RBFOX2: variants seen among roughly 807,000 people sequenced by gnomAD.
RBFOX2 encodes the protein RNA binding protein fox-1 homolog 2.
RBFOX2 carries 10 observed loss-of-function variants against 49.1 expected under a neutral mutation model. That is an observed-to-expected ratio of 0.20 (90% confidence interval 0.13 to 0.35). RBFOX2 has a LOEUF of 0.35. RBFOX2 is among the 10% of genes least tolerant of loss of function. RBFOX2 has a pLI of 1.00. For synonymous variants in RBFOX2, 183 were observed against 187.4 expected (o/e 0.98, Z 0.19); for missense variants, 323 against 486.9 (o/e 0.66, Z 3.17).
At chr22:35,979,325 AAG>A (rs2057347335) in intron 1 of RBFOX2, among the ~76,000 whole-genome samples, 1 of 152,210 alleles carries the variant, frequency 6.6e-6, no homozygotes, top group African/African-American at 2.4e-5. Context: ...AAAAAGGAAA[AAG>A]ACATTGCTGG....
intron 1 of RBFOX2, among the ~76,000 whole-genome samples, chr22:36,000,706 A>C (rs1261952741): frequency 2.0e-5 from 3 of 150,996 alleles, no homozygotes; most frequent in African/African-American, 4.9e-5. Flanking sequence ...CTCAGTATCT[A>C]CCTCCCATCT....
chr22:35,892,886 T>C (rs1430134828), intron 1 of RBFOX2, among the ~76,000 whole-genome samples: 5 of 152,244 alleles, frequency 3.3e-5, no homozygotes, highest in Non-Finnish European at 5.9e-5. Flanking sequence ...TGGCTAAACC[T>C]ACACTAAAAC....
At chr22:35,874,676 G>T (rs551798940) in intron 1 of RBFOX2, among the ~76,000 whole-genome samples, 1 of 152,188 alleles carries the variant, frequency 6.6e-6, no homozygotes, top group East Asian at 1.9e-4. Flanking sequence ...TAAATGAACT[G>T]TGGCCTAATG....
chr22:35,945,861 T>C (rs2054219860), intron 1 of RBFOX2, among the ~76,000 whole-genome samples: 1 of 152,230 alleles, frequency 6.6e-6, no homozygotes, highest in African/African-American at 2.4e-5. Flanking sequence ...TCTAACAACA[T>C]GGTCCCAACA....
chr22:35,996,214 T>C (rs1312918635), intron 1 of RBFOX2: 1 of 152,190 alleles, frequency 6.6e-6, no homozygotes, highest in Non-Finnish European at 1.5e-5. Context: ...CCTCCTGAGA[T>C]CATTATCCAA....
At chr22:35,821,576 T>TG (rs1185904842) in intron 1 of RBFOX2, among the ~76,000 whole-genome samples, 1 of 110,880 alleles carries the variant, frequency 9.0e-6, no homozygotes, top group African/African-American at 3.4e-5. Context: ...CACTCCAGCC[T>TG]GGGGGACAGA....
At chr22:35,874,472 G>T (rs935900145) in intron 1 of RBFOX2, among the ~76,000 whole-genome samples, 7 of 151,926 alleles carry the variant, frequency 4.6e-5, no homozygotes, top group Admixed American at 3.9e-4. Context: ...AAACATAAAG[G>T]AACAGAATGA....
At chr22:35,773,101 T>C (rs964001262) in intron 4 of RBFOX2, among the ~76,000 whole-genome samples, 4 of 151,080 alleles carry the variant, frequency 2.6e-5, no homozygotes, top group African/African-American at 9.7e-5. Flanking sequence ...GTTAATTCTG[T>C]TTTAAATATA....
rs776885934 is a variant in RBFOX2, at chr22:35,929,775, G to A, written c.-34+9072C>T. 4.6e-4 allele frequency among the ~76,000 whole-genome samples: 70 copies of A among 152,048 alleles called. 1 individual carries two copies. Among genetic ancestry groups the A allele is most frequent in the African/African-American group, 1.7e-4 (7 of 41,396 alleles). ...TACTGGTATACAGGCATGAGCTACC[G>A]TGTCCAGCACAAAAGAGGCAATTTT... On this transcript the variant is annotated intron_variant, in intron 1 of 13. Transcript: ENST00000359369.
chr22:35,795,591 A>G (rs1431785341), intron 2 of RBFOX2, among the ~76,000 whole-genome samples: 1 of 140,860 alleles, frequency 7.1e-6, no homozygotes, highest in Non-Finnish European at 1.5e-5. Flanking sequence ...TGAAAGAAAA[A>G]TTGGCTTAAA....
At chr22:35,942,738 AG>A (rs1026683462), upstream of RBFOX2, among the ~76,000 whole-genome samples, 8 of 150,814 alleles carry the variant, frequency 5.3e-5, no homozygotes, top group African/African-American at 4.9e-5. Context: ...AAAAAAAAAA[AG>A]GTAACTAAAT....
rs546230945 is a variant in RBFOX2, at chr22:35,784,182, G to C, written c.253-2436C>G. On this transcript the variant is annotated intron_variant, in intron 2 of 11. Coordinates refer to ENST00000405409, the Ensembl canonical transcript of RBFOX2. Reference sequence around the variant, plus strand: ...AATCAGCTATGCCTTCAACTCAAAAGAATCTGAAGAGTACATAAGTTAGTT... The same window carrying C: ...AATCAGCTATGCCTTCAACTCAAAACAATCTGAAGAGTACATAAGTTAGTT... 1.5e-4 allele frequency among the ~76,000 whole-genome samples: 23 copies of C among 152,214 alleles called. 1 individual carries two copies. The highest frequency in any genetic ancestry group is 8.5e-4 in the Admixed American group (13 of 15,286).
intron 1 of RBFOX2, among the ~76,000 whole-genome samples, chr22:35,825,104 CACTT>C (rs1955369989): frequency 1.3e-5 from 2 of 152,208 alleles, no homozygotes; most frequent in African/African-American, 4.8e-5. Flanking sequence ...CCTGTAGTCC[CACTT>C]ACTTGGGAGG....
chr22:35,838,992 A>G (rs1958208345), intron 1 of RBFOX2, among the ~76,000 whole-genome samples: 1 of 152,178 alleles, frequency 6.6e-6, no homozygotes, highest in Non-Finnish European at 1.5e-5. Context: ...CCTGATAACT[A>G]GCTGGCTCTC....
chr22:35,985,917 TA>T (rs2057697037), intron 1 of RBFOX2, among the ~76,000 whole-genome samples: 3 of 130,002 alleles, frequency 2.3e-5, no homozygotes, highest in African/African-American at 8.6e-5. Context: ...GATAGATAGA[TA>T]GATAGATAGA....
intron 1 of RBFOX2, among the ~76,000 whole-genome samples, chr22:36,014,711 A>C (rs1342543636): frequency 6.6e-6 from 1 of 152,218 alleles, no homozygotes; most frequent in African/African-American, 2.4e-5. Context: ...CACTTATTTC[A>C]CACCACTCCT....
At chr22:35,898,419 CTTTTT>C (rs749708583) in intron 1 of RBFOX2, 135 of 277,662 alleles carry the variant, frequency 4.9e-4, no homozygotes, top group East Asian at 1.1e-3. Flanking sequence ...TCCCACAATC[CTTTTT>C]TTTTTTTTTT....
At chr22:35,832,468 A>T (rs1407120284) in intron 1 of RBFOX2, among the ~76,000 whole-genome samples, 1 of 152,238 alleles carries the variant, frequency 6.6e-6, no homozygotes, top group Non-Finnish European at 1.5e-5. Context: ...TAACTGTAGA[A>T]TGTTTAGCAA....
At chr22:35,879,334 C>T (rs143240278) in intron 1 of RBFOX2, among the ~76,000 whole-genome samples, 13 of 152,212 alleles carry the variant, frequency 8.5e-5, no homozygotes, top group South Asian at 6.2e-4. Context: ...AATCGTGTTC[C>T]AGAAACAATA....
Sources: allele counts gnomAD v4.1 joint callset (sites outside exome capture counted in the v4.1 genomes callset), GRCh38; gene constraint gnomAD v4.1.1; transcripts MANE v1.5; gene names NCBI Gene and HGNC (gene_info 2026-07-23, HGNC 2026-07-21).